BRWD3: variants seen among roughly 807,000 people sequenced by gnomAD.
BRWD3 encodes bromodomain and WD repeat domain containing 3, also known as bromodomain and WD repeat-containing protein 3.
In BRWD3, 10 loss-of-function variants were observed where a neutral mutation model predicts 149.7. The observed-to-expected ratio is 0.07, with a 90% CI of 0.04 to 0.11. The LOEUF (loss-of-function observed/expected upper bound fraction) is 0.11. Among genes scored for constraint, BRWD3 ranks in the 10% least tolerant of loss-of-function variants. The pLI, the probability that BRWD3 is intolerant of heterozygous loss-of-function variation, is 1.00. For synonymous variants in BRWD3, 504 were observed against 456.7 expected (o/e 1.10, Z -1.32); for missense variants, 940 against 1,373.2 (o/e 0.68, Z 4.99).
At chrX:80,808,495 G>A in intron 4 of BRWD3, 44 bp downstream of exon 4, 1 of 1,118,528 alleles carries the variant, frequency 8.9e-7, no homozygotes, top group East Asian at 3.0e-5. Flanking sequence ...TGGGGAGGGA[G>A]TGGTGAAAGA....
intron 6 of BRWD3, among the ~76,000 whole-genome samples, chrX:80,771,419 CA>C (rs2073942474): frequency 9.0e-6 from 1 of 111,430 alleles, no homozygotes; most frequent in Non-Finnish European, 1.9e-5. Context: ...ACCAATGGAA[CA>C]GAACAGAGCC....
In BRWD3 at chrX:80,809,759, AAGAGAGAGAGAG is replaced by A. The variant is rs1204009468; in HGVS notation, c.-300_-289del. The A allele has an allele frequency of 1.7e-3, 33 of 19,264 alleles. 1 individual carries two copies. Among genetic ancestry groups the A allele is most frequent in the African/African-American group, 0.012 (31 of 2,549 alleles). 1.6% of individuals were successfully genotyped at this position (19,264 alleles called of 1,213,427 possible). On this transcript the variant is annotated 5_prime_UTR_variant, in exon 1 of 41. Transcript: ENST00000373275. ...AGAAGAGAGAGAGAGAGAGAGGAAA[AAGAGAGAGAGAG>A]AGAGAGAGAGAGAGAGAGAGAGAGA...
At chrX:80,708,032 A>G (rs1292261287) in intron 21 of BRWD3, among the ~76,000 whole-genome samples, 1 of 111,926 alleles carries the variant, frequency 8.9e-6, no homozygotes, top group African/African-American at 3.2e-5. Flanking sequence ...CATTTTAACC[A>G]TAAATATTTA....
rs1204009468 is a variant in BRWD3 at position 80,809,759 on chromosome X, AAGAG to A, written c.-292_-289del. ...AGAAGAGAGAGAGAGAGAGAGGAAA[AAGAG>A]AGAGAGAGAGAGAGAGAGAGAGAGA... On this transcript the variant is annotated 5_prime_UTR_variant, in exon 1 of 41. Transcript: ENST00000373275. The A allele has an allele frequency of 0.012, 225 of 19,217 alleles. 3 individuals carry two copies. Among genetic ancestry groups the A allele is most frequent in the African/African-American group, 0.059 (149 of 2,538 alleles). The allele number at this position is 19,217 out of a possible 1,213,427, so 1.6% of individuals were successfully genotyped here. A position where few individuals can be genotyped will look rare whatever the true frequency, so the allele number is the denominator to read the frequency against.
intron 6 of BRWD3, among the ~76,000 whole-genome samples, chrX:80,782,807 G>C (rs2074069114): frequency 9.1e-6 from 1 of 110,467 alleles, no homozygotes; most frequent in Non-Finnish European, 1.9e-5. Flanking sequence ...AGGAAGCCGA[G>C]GCAGGAAGCT....
At position 80,722,571 on chromosome X, in the gene BRWD3, C is replaced by T; in HGVS notation, c.1867G>A (p.Val623Met). The change falls in exon 17 of 41, where the codon GTG (valine) becomes ATG (methionine). Residue 623 changes from valine (V) to methionine (M), a missense_variant. Physicochemically the swap from Val to Met is conservative, Grantham distance 21 (BLOSUM62 1). Around this residue, in one of 6 missense-constraint regions of BRWD3, gnomAD observed 209 missense variants for 396.8 expected, o/e 0.53. Transcript: ENST00000373275. ...DEQLIPQLGY[V>M]ANGDGEVVEQ... ...TTTAGAGAAAACATACCATTAGCCACATATCCCAGCTGTGGTATAAGCTGT... is the reference window on the plus strand; with the variant it reads ...TTTAGAGAAAACATACCATTAGCCATATATCCCAGCTGTGGTATAAGCTGT... 2 of 1,209,432 alleles carry T rather than the reference C, an allele frequency of 1.7e-6. No individual in the cohort carries two copies. Among genetic ancestry groups the T allele is most frequent in the Non-Finnish European group, 2.2e-6 (2 of 893,431 alleles).
chrX:80,700,442 A>ATATATATATAT (rs58761845), intron 24 of BRWD3, among the ~76,000 whole-genome samples: 3 of 94,696 alleles, frequency 3.2e-5, no homozygotes, highest in Admixed American at 1.2e-4. Flanking sequence ...TGATATATAT[A>ATATATATATAT]ACAATACAAT....
chrX:80,688,977 C>T (rs528767453), intron 33 of BRWD3, among the ~76,000 whole-genome samples: 1 of 50,173 alleles, frequency 2.0e-5, no homozygotes, highest in Non-Finnish European at 3.7e-5. Flanking sequence ...TAGTCAGACA[C>T]ATTTTCATGA....
chrX:80,805,132 C>G (rs1381201835), intron 4 of BRWD3, among the ~76,000 whole-genome samples: 1 of 111,356 alleles, frequency 9.0e-6, no homozygotes, highest in African/African-American at 3.3e-5. Context: ...AAACACTAAA[C>G]ACTAAATCAG....
At chrX:80,723,547 T>C (rs2073179937) in intron 16 of BRWD3, among the ~76,000 whole-genome samples, 1 of 109,922 alleles carries the variant, frequency 9.1e-6, no homozygotes, top group Non-Finnish European at 1.9e-5. Flanking sequence ...CTATAACTTA[T>C]CTCTATTGTG....
At chrX:80,741,803 G>C (rs1426286904) in intron 8 of BRWD3, among the ~76,000 whole-genome samples, 2 of 111,873 alleles carry the variant, frequency 1.8e-5, no homozygotes, top group East Asian at 2.8e-4. Context: ...GTAGATTCTG[G>C]ATATTAGCCC....
chrX:80,803,098 T>A (rs2147869184), intron 4 of BRWD3, among the ~76,000 whole-genome samples: 2 of 78,437 alleles, frequency 2.5e-5, no homozygotes, highest in African/African-American at 1.6e-4. Flanking sequence ...CAAGACTCCA[T>A]CTCAAAAAAA....
At position 80,736,004 on chromosome X, in the gene BRWD3, T is replaced by C; in HGVS notation, c.898A>G (p.Lys300Glu). 2 of 1,202,267 alleles carry C rather than the reference T, an allele frequency of 1.7e-6. No individual in the cohort carries two copies. Among genetic ancestry groups the C allele is most frequent in the Non-Finnish European group, 2.2e-6 (2 of 889,262 alleles). Residue 300 changes from lysine (K) to glutamate (E), a missense_variant, in exon 9 of 41, where the codon AAA becomes GAA. Transcript: ENST00000373275. ...GTICFWQWHV[K>E]TMKFRDRPVK... ...TAAACTTACCTAAACTTCATTGTTT[T>C]TACATGCCATTGCCAGAAACAGATT...
intron 7 of BRWD3, among the ~76,000 whole-genome samples, chrX:80,744,675 C>T (rs1166653779): frequency 7.2e-5 from 8 of 111,842 alleles, no homozygotes; most frequent in Non-Finnish European, 1.3e-4. Context: ...TGAGGCTACC[C>T]GTTAATGATA....
chrX:80,788,457 C>T (rs2074140197), intron 6 of BRWD3, among the ~76,000 whole-genome samples: 1 of 111,735 alleles, frequency 8.9e-6, no homozygotes, highest in Non-Finnish European at 1.9e-5. Flanking sequence ...CAAATATGCA[C>T]ATGAAAAGAT....
At chrX:80,689,939 C>T in intron 32 of BRWD3, 28 bp downstream of exon 32, 3 of 1,203,951 alleles carry the variant, frequency 2.5e-6, no homozygotes, top group Non-Finnish European at 3.4e-6. Flanking sequence ...TTAAGTTAGA[C>T]TCTCTGGAAG....
chrX:80,683,133 C>A (rs1000409576), intron 37 of BRWD3, among the ~76,000 whole-genome samples: 1 of 111,411 alleles, frequency 9.0e-6, no homozygotes, highest in Non-Finnish European at 1.9e-5. Context: ...CAACAGAATA[C>A]CATTAAAAAC....
intron 20 of BRWD3, chrX:80,710,470 G>T (rs2072946921): frequency 5.6e-6 from 2 of 359,394 alleles, no homozygotes; most frequent in South Asian, 3.2e-5. Flanking sequence ...CAATTTAAAT[G>T]AACTGGTTAA....
At chrX:80,762,570 G>A (rs190356620) in intron 6 of BRWD3, among the ~76,000 whole-genome samples, 2 of 110,166 alleles carry the variant, frequency 1.8e-5, no homozygotes, top group African/African-American at 3.3e-5. Flanking sequence ...TGTGTTGGGG[G>A]GGTGGGGAAA....
Sources: gnomAD v4.1 joint callset for allele counts (sites outside exome capture counted in the v4.1 genomes callset) on GRCh38, gnomAD v4.1.1 for gene constraint, gnomAD v4.1.1 regional missense constraint, MANE v1.5 for transcripts, NCBI Gene and HGNC (gene_info 2026-07-23, HGNC 2026-07-21) for gene names.